Variants in AKIRIN2 observed in about 807,000 individuals in gnomAD.
The protein encoded by AKIRIN2 is akirin 2, also known as akirin-2.
AKIRIN2 carries 6 observed loss-of-function variants against 29.3 expected under a neutral mutation model. The observed-to-expected ratio is 0.20, with a 90% CI of 0.11 to 0.40. The LOEUF is 0.40. Ranked by LOEUF, AKIRIN2 falls within the 10% of genes least tolerant of loss-of-function variation. The pLI is 1.00. For missense variants in AKIRIN2, 210 were observed against 276.1 expected (o/e 0.76, Z 1.70); for synonymous variants, 128 against 117.5 (o/e 1.09, Z -0.58).
intron 1 of AKIRIN2, among the ~76,000 whole-genome samples, chr6:87,682,569 C>T (rs1771136594): frequency 1.3e-5 from 2 of 152,162 alleles, no homozygotes; most frequent in African/African-American, 2.4e-5. Flanking sequence ...CAGAAAATCC[C>T]TGCCTAGGGG....
At chr6:87,687,972 T>C (rs1215795735) in intron 1 of AKIRIN2, among the ~76,000 whole-genome samples, 1 of 152,022 alleles carries the variant, frequency 6.6e-6, no homozygotes, top group Non-Finnish European at 1.5e-5. Context: ...CCACCAAACA[T>C]AAAAAATAAA....
chr6:87,696,778 C>A (rs1394324969), intron 1 of AKIRIN2, among the ~76,000 whole-genome samples: 1 of 150,854 alleles, frequency 6.6e-6, no homozygotes, highest in African/African-American at 2.4e-5. Flanking sequence ...GAGGCTGAGG[C>A]AGGTGGATCA....
intron 2 of AKIRIN2, among the ~76,000 whole-genome samples, chr6:87,678,666 A>C: frequency 6.6e-6 from 1 of 152,190 alleles, no homozygotes; most frequent in East Asian, 1.9e-4. Flanking sequence ...AGGAATGAAG[A>C]ACACCTCAGG....
chr6:87,701,842 G>T lies in AKIRIN2; in HGVS notation c.-158C>A. The T allele has an allele frequency of 4.3e-6, 2 of 467,090 alleles. No homozygotes were observed. The highest frequency in any genetic ancestry group is 7.1e-5 in the East Asian group (2 of 28,262). The allele number at this position is 467,090 out of a possible 1,614,324, so 28.9% of individuals were successfully genotyped here. A position where few individuals can be genotyped will look rare whatever the true frequency, so the allele number is the denominator to read the frequency against. On this transcript the variant is annotated 5_prime_UTR_variant, in exon 1 of 5. Coordinates refer to ENST00000257787, the MANE Select transcript of AKIRIN2 (RefSeq NM_018064.4). Reference sequence around the variant, plus strand: ...CGGAGCGCCGGCTGTGGAAAGGAGAGCCGCTGCCGCCGCTGCCTCCGCGGC... The same window carrying T: ...CGGAGCGCCGGCTGTGGAAAGGAGATCCGCTGCCGCCGCTGCCTCCGCGGC...
chr6:87,678,463 T>C (rs922034447), intron 2 of AKIRIN2, among the ~76,000 whole-genome samples: 25 of 152,000 alleles, frequency 1.6e-4, no homozygotes, highest in Admixed American at 1.5e-3. Context: ...GATCACGCCA[T>C]TGCACTCCAG....
At chr6:87,686,865 A>G (rs571359916) in intron 1 of AKIRIN2, among the ~76,000 whole-genome samples, 37 of 151,788 alleles carry the variant, frequency 2.4e-4, no homozygotes, top group African/African-American at 8.9e-4. Context: ...GGCCAACATG[A>G]CGAAACCCTG....
In AKIRIN2 at chr6:87,698,386, AAAAG is replaced by A. The variant is rs1351024626; in HGVS notation, c.235+3060_235+3063del. 3.9e-5 allele frequency among the ~76,000 whole-genome samples: 6 copies of A among 152,262 alleles called. No individual in the cohort carries two copies. The East Asian group carries it at 1.2e-3, about 29-fold the overall frequency. Reference sequence around the variant, plus strand: ...ATGAACAATACTTAAAAAAAAAAAAAAAAGAATGAGCACAGCTGTGTTCCAATAA... The same window carrying A: ...ATGAACAATACTTAAAAAAAAAAAAAAATGAGCACAGCTGTGTTCCAATAA... On this transcript the variant is annotated intron_variant, in intron 1 of 4. Coordinates refer to ENST00000257787, the MANE Select transcript of AKIRIN2 (RefSeq NM_018064.4).
intron 2 of AKIRIN2, among the ~76,000 whole-genome samples, chr6:87,681,126 C>A (rs570083550): frequency 6.6e-6 from 1 of 152,264 alleles, no homozygotes; most frequent in Non-Finnish European, 1.5e-5. Context: ...CAACCTCCGC[C>A]TCCTGGGTTC....
At chr6:87,700,279 A>AC (rs66891297) in intron 1 of AKIRIN2, among the ~76,000 whole-genome samples, 1 of 151,896 alleles carries the variant, frequency 6.6e-6, no homozygotes, top group Non-Finnish European at 1.5e-5. Context: ...AAAAAAAAAA[A>AC]ACACTAAAGT....
At chr6:87,675,992 T>C (rs1582112988) in intron 3 of AKIRIN2, 61 bp from the exon 4 acceptor site, 2 of 1,404,340 alleles carry the variant, frequency 1.4e-6, no homozygotes, top group East Asian at 4.6e-5. Flanking sequence ...CCAGATAAAC[T>C]GAAAACACAA....
intron 1 of AKIRIN2, among the ~76,000 whole-genome samples, chr6:87,684,911 G>T (rs774071536): frequency 1.3e-5 from 2 of 152,148 alleles, no homozygotes; most frequent in Non-Finnish European, 2.9e-5. Context: ...TATGGCAAAT[G>T]AAGGGTTTAT....
chr6:87,686,717 G>A (rs56153972), intron 1 of AKIRIN2, among the ~76,000 whole-genome samples: 4,011 of 152,146 alleles, frequency 0.026, 85 homozygotes, highest in Non-Finnish European at 0.043. Context: ...AATGAAAGTG[G>A]ACCTAGAAAG....
At chr6:87,688,488 G>A (rs1034622233) in intron 1 of AKIRIN2, among the ~76,000 whole-genome samples, 1 of 152,066 alleles carries the variant, frequency 6.6e-6, no homozygotes, top group African/African-American at 2.4e-5. Flanking sequence ...GCTCACGCCT[G>A]TAATCCCAGC....
chr6:87,685,313 T>G (rs2787918), intron 1 of AKIRIN2, among the ~76,000 whole-genome samples: 13,766 of 152,240 alleles, frequency 0.09, 676 homozygotes, highest in African/African-American at 0.12. Flanking sequence ...CTCAAGAAAT[T>G]TCCTCAGATT....
chr6:87,684,862 T>C (rs1190661353), intron 1 of AKIRIN2, among the ~76,000 whole-genome samples: 1 of 152,218 alleles, frequency 6.6e-6, no homozygotes, highest in Non-Finnish European at 1.5e-5. Context: ...TCATTTCTCT[T>C]GGATAAATAC....
At chr6:87,695,055 TATTAAA>T (rs1771336718) in intron 1 of AKIRIN2, among the ~76,000 whole-genome samples, 1 of 152,188 alleles carries the variant, frequency 6.6e-6, no homozygotes, top group South Asian at 2.1e-4. Flanking sequence ...CACAACTTCT[TATTAAA>T]AAGTATTTTC....
At chr6:87,697,873 C>A (rs1391074927) in intron 1 of AKIRIN2, among the ~76,000 whole-genome samples, 1 of 152,198 alleles carries the variant, frequency 6.6e-6, no homozygotes, top group African/African-American at 2.4e-5. Flanking sequence ...AATTAATGTG[C>A]CTAACAAACT....
chr6:87,691,500 C>G (rs1328969966), intron 1 of AKIRIN2, among the ~76,000 whole-genome samples: 1 of 139,748 alleles, frequency 7.2e-6, no homozygotes, highest in Non-Finnish European at 1.5e-5. Context: ...TAAAGAGGAA[C>G]TGTCTGAACC....
intron 3 of AKIRIN2, among the ~76,000 whole-genome samples, chr6:87,676,767 G>A (rs982097426): frequency 6.7e-6 from 1 of 148,166 alleles, no homozygotes; most frequent in Non-Finnish European, 1.5e-5. Context: ...GCGACAGAGT[G>A]AGACTCCATC....
Sources: gnomAD v4.1 joint callset for allele counts (sites outside exome capture counted in the v4.1 genomes callset) on GRCh38, gnomAD v4.1.1 for gene constraint, MANE v1.5 for transcripts, NCBI Gene and HGNC (gene_info 2026-07-23, HGNC 2026-07-21) for gene names.